Variants in CADM2 observed in about 807,000 individuals in gnomAD.
CADM2 encodes cell adhesion molecule 2.
In CADM2, 12 loss-of-function variants were observed where a neutral mutation model predicts 49.8. The ratio of observed to expected loss-of-function variants is 0.24; its 90% confidence interval spans 0.15 to 0.39. The LOEUF (loss-of-function observed/expected upper bound fraction) is 0.39. Among genes scored for constraint, CADM2 ranks in the 10% least tolerant of loss-of-function variants. CADM2 has a pLI of 1.00. For missense variants in CADM2, 378 were observed against 492.3 expected (o/e 0.77, Z 2.20); for synonymous variants, 214 against 175.4 (o/e 1.22, Z -1.74).
intron 1 of CADM2, among the ~76,000 whole-genome samples, chr3:85,410,122 G>T (rs1016382349): frequency 6.6e-6 from 1 of 152,138 alleles, no homozygotes; most frequent in Non-Finnish European, 1.5e-5. Context: ...CCAGCGGTTA[G>T]AAAATGTAGA....
chr3:85,484,672 C>T (rs1026615358), intron 1 of CADM2, among the ~76,000 whole-genome samples: 1 of 151,894 alleles, frequency 6.6e-6, no homozygotes, highest in Non-Finnish European at 1.5e-5. Context: ...TGCTTTCTTA[C>T]CGTCACAGAC....
intron 7 of CADM2, among the ~76,000 whole-genome samples, chr3:85,944,339 C>A (rs550984845): frequency 1.0e-3 from 156 of 152,122 alleles, no homozygotes; most frequent in Admixed American, 2.4e-3. Flanking sequence ...TTTAACACCC[C>A]ACTGTCAACA....
At chr3:85,268,683 T>A (rs1246385283) in intron 1 of CADM2, among the ~76,000 whole-genome samples, 2 of 151,398 alleles carry the variant, frequency 1.3e-5, no homozygotes, top group African/African-American at 2.4e-5. Flanking sequence ...CTGAATGCCA[T>A]ATTACTAATG....
chr3:85,475,937 T>G (rs1241490020), intron 1 of CADM2, among the ~76,000 whole-genome samples: 2 of 151,940 alleles, frequency 1.3e-5, no homozygotes, highest in Non-Finnish European at 2.9e-5. Context: ...TTGAAATGTC[T>G]CATGTTAATT....
intron 2 of CADM2, among the ~76,000 whole-genome samples, chr3:85,778,500 A>G (rs1366636632): frequency 1.3e-5 from 2 of 151,978 alleles, no homozygotes; most frequent in African/African-American, 4.8e-5. Flanking sequence ...ACGAGATCTG[A>G]TGGATTTATA....
intron 1 of CADM2, among the ~76,000 whole-genome samples, chr3:85,258,166 C>T (rs1448895507): frequency 1.3e-5 from 2 of 152,044 alleles, no homozygotes; most frequent in African/African-American, 4.8e-5. Flanking sequence ...TTATATGCAG[C>T]ACTGATTATC....
At chr3:85,283,971 C>T (rs2043565857) in intron 1 of CADM2, among the ~76,000 whole-genome samples, 2 of 152,082 alleles carry the variant, frequency 1.3e-5, no homozygotes, top group East Asian at 1.9e-4. Context: ...TAATTTACCA[C>T]AGTGTTGAGT....
chr3:85,878,775 A>T (rs1371569818), intron 3 of CADM2, among the ~76,000 whole-genome samples: 1 of 152,102 alleles, frequency 6.6e-6, no homozygotes, highest in Non-Finnish European at 1.5e-5. Context: ...AACTTTGGTG[A>T]TGTTATATAG....
intron 3 of CADM2, among the ~76,000 whole-genome samples, chr3:85,807,520 A>G (rs1456805434): frequency 1.4e-5 from 2 of 147,970 alleles, no homozygotes; most frequent in African/African-American, 5.0e-5. Flanking sequence ...AAAAAAAAAG[A>G]CAAAAAGACA....
intron 8 of CADM2, among the ~76,000 whole-genome samples, chr3:86,021,706 G>A (rs1161188371): frequency 6.6e-6 from 1 of 152,088 alleles, no homozygotes; most frequent in African/African-American, 2.4e-5. Context: ...TCTTTGTGAG[G>A]GTTAAATAAT....
intron 8 of CADM2, among the ~76,000 whole-genome samples, chr3:85,985,249 A>G (rs1455588085): frequency 6.6e-6 from 1 of 151,938 alleles, no homozygotes; most frequent in Non-Finnish European, 1.5e-5. Context: ...CTGTCTTTCC[A>G]TGTGTCCTCA....
intron 1 of CADM2, among the ~76,000 whole-genome samples, chr3:85,697,291 A>G (rs2066598746): frequency 6.6e-6 from 1 of 151,952 alleles, no homozygotes; most frequent in South Asian, 2.1e-4. Flanking sequence ...TAGATGTTGT[A>G]TTTATATATG....
intron 1 of CADM2, among the ~76,000 whole-genome samples, chr3:85,078,346 C>T (rs2037029473): frequency 6.6e-6 from 1 of 151,962 alleles, no homozygotes; most frequent in Admixed American, 6.6e-5. Context: ...TATAAATAAA[C>T]TGTTCCTGCT....
intron 1 of CADM2, among the ~76,000 whole-genome samples, chr3:85,467,625 T>A (rs1020732254): frequency 2.0e-5 from 3 of 148,470 alleles, no homozygotes; most frequent in African/African-American, 7.9e-5. Context: ...AAAAAAACAC[T>A]CTGTTAACTT....
chr3:85,784,102 C>T (rs906766111), intron 2 of CADM2, among the ~76,000 whole-genome samples: 3 of 152,174 alleles, frequency 2.0e-5, no homozygotes, highest in African/African-American at 7.2e-5. Context: ...TTTGTCATTT[C>T]AAAAGTAATA....
rs116299350 is a variant in CADM2 at position 84,966,540 on chromosome 3, C to T, written c.61+6872C>T. ...AACAAGACTTCCACAAAAAAACACA[C>T]ACACAAGTCTTACAATTTATGAAAT... On this transcript the variant is annotated intron_variant, in intron 1 of 9. Coordinates refer to ENST00000383699, the MANE Select transcript of CADM2 (RefSeq NM_001167675.2). Among the ~76,000 whole-genome samples the T allele has an allele frequency of 1.0e-2, 1,516 of 152,012 alleles. 38 individuals are homozygous for T. The highest frequency in any genetic ancestry group is 0.035 in the African/African-American group (1,454 of 41,482).
At chr3:85,965,625 C>T (rs894325148) in intron 8 of CADM2, among the ~76,000 whole-genome samples, 9 of 151,490 alleles carry the variant, frequency 5.9e-5, no homozygotes, top group Non-Finnish European at 1.0e-4. Flanking sequence ...AAAATCTCAA[C>T]AATGTTAACA....
chr3:85,302,692 T>C lies in CADM2; in HGVS notation c.61+343024T>C, dbSNP rs1011663522. On this transcript the variant is annotated intron_variant, in intron 1 of 9. Coordinates refer to ENST00000383699, the MANE Select transcript of CADM2 (RefSeq NM_001167675.2). ...GATTAACATACATATGCGGCCATGT[T>C]TTCCTTAACATCACTGCATTATATC... Among the ~76,000 whole-genome samples, 5 of 152,002 alleles carry C rather than the reference T, an allele frequency of 3.3e-5. No individual in the cohort carries two copies. In the Admixed American group the frequency reaches 3.3e-4, roughly 10 times the overall value.
chr3:85,213,158 C>T (rs2041841799), intron 1 of CADM2, among the ~76,000 whole-genome samples: 1 of 151,996 alleles, frequency 6.6e-6, no homozygotes, highest in African/African-American at 2.4e-5. Context: ...GCTGGCATTA[C>T]AGGTGTGAAC....
Sources: allele counts gnomAD v4.1 joint callset (sites outside exome capture counted in the v4.1 genomes callset), GRCh38; gene constraint gnomAD v4.1.1; transcripts MANE v1.5; gene names NCBI Gene and HGNC (gene_info 2026-07-23, HGNC 2026-07-21).